The following VPS53 variants were observed in gnomAD, a reference collection of about 807,000 sequenced individuals.
VPS53 encodes the protein vacuolar protein sorting-associated protein 53 homolog.
A neutral mutation model predicts 107.0 loss-of-function variants in VPS53; 70 were observed. The observed-to-expected ratio is 0.65, with a 90% CI of 0.54 to 0.80. VPS53 has a LOEUF of 0.80. Among genes scored for constraint, VPS53 ranks in the 30% least tolerant of loss-of-function variants. The pLI is 0.00. For missense variants in VPS53, 917 were observed against 1,049.4 expected (o/e 0.87, Z 1.74); for synonymous variants, 409 against 393.3 (o/e 1.04, Z -0.47).
At chr17:698,387 C>G (rs1973061591) in intron 3 of VPS53, among the ~76,000 whole-genome samples, 1 of 149,230 alleles carries the variant, frequency 6.7e-6, no homozygotes, top group Non-Finnish European at 1.5e-5. Context: ...AAGCCAAGAT[C>G]ACACCACTGC....
Position 623,651 on chromosome 17 carries a change from C to T in VPS53, c.998G>A (p.Arg333His), listed in dbSNP as rs775595380. 1.9e-5 allele frequency: 31 copies of T among 1,612,788 alleles called. No individual in the cohort carries two copies. Among genetic ancestry groups the T allele is most frequent in the Middle Eastern group, 1.6e-4 (1 of 6,082 alleles). Residue 333 changes from arginine (R) to histidine (H), a missense_variant, in exon 11 of 22, where the codon CGT (arginine) becomes CAT (histidine). Arg to His is a conservative substitution (Grantham distance 29, BLOSUM62 0). Coordinates refer to ENST00000437048, the MANE Select transcript of VPS53 (RefSeq NM_001128159.3). ...VTRAELAKIMRTRAKEIEVKL... is the reference protein window; with the variant it reads ...VTRAELAKIMHTRAKEIEVKL... ...CACTTCAATTTCCTTCGCTCTGGTA[C>T]GCATAATCTTGGCAAGTTCTGCCCT...
chr17:532,793 T>A, intron 19 of VPS53, 49 bp downstream of exon 19: 1 of 1,608,996 alleles, frequency 6.2e-7, no homozygotes, highest in Non-Finnish European at 8.5e-7. Flanking sequence ...ATGTGCTTGA[T>A]CTACAACAAA....
chr17:557,138 C>T (rs1464512720), intron 15 of VPS53, among the ~76,000 whole-genome samples: 1 of 152,216 alleles, frequency 6.6e-6, no homozygotes, highest in Non-Finnish European at 1.5e-5. Context: ...TAGGCATGAG[C>T]CACCGCGCCC....
chr17:678,646 A>AT (rs1231152275), intron 4 of VPS53, among the ~76,000 whole-genome samples: 1 of 141,772 alleles, frequency 7.1e-6, no homozygotes, highest in East Asian at 2.1e-4. Context: ...ATATATATAT[A>AT]TATATTTTTT....
At chr17:602,475 C>T (rs1300156284) in intron 11 of VPS53, among the ~76,000 whole-genome samples, 1 of 152,220 alleles carries the variant, frequency 6.6e-6, no homozygotes, top group African/African-American at 2.4e-5. Flanking sequence ...CCCAAGTAAG[C>T]CCCATTACAA....
chr17:664,677 G>C (rs899908794), intron 4 of VPS53, among the ~76,000 whole-genome samples: 1 of 152,182 alleles, frequency 6.6e-6, no homozygotes, highest in South Asian at 2.1e-4. Flanking sequence ...GGCTGTGCAG[G>C]GGCAGGAGGG....
At chr17:623,446 T>A in intron 11 of VPS53, 87 bp downstream of exon 11, 1 of 1,481,434 alleles carries the variant, frequency 6.8e-7, no homozygotes, top group Middle Eastern at 2.1e-4. Context: ...CCGAAGCCAA[T>A]GGATAGAGTC....
chr17:556,341 T>C (rs1273449316), intron 15 of VPS53, among the ~76,000 whole-genome samples: 1 of 152,162 alleles, frequency 6.6e-6, no homozygotes, highest in East Asian at 1.9e-4. Context: ...ACACCAATAA[T>C]ACATCATTAT....
At chr17:548,340 C>T (rs190891728) in intron 17 of VPS53, among the ~76,000 whole-genome samples, 21 of 151,880 alleles carry the variant, frequency 1.4e-4, no homozygotes, top group Admixed American at 7.2e-4. Flanking sequence ...TCAGAATCAT[C>T]CAATGACTAC....
chr17:702,460 G>A (rs1195028063), intron 2 of VPS53, among the ~76,000 whole-genome samples: 2 of 152,006 alleles, frequency 1.3e-5, no homozygotes, highest in Non-Finnish European at 2.9e-5. Flanking sequence ...TCAGGAGTTC[G>A]AGACCAGCCA....
intron 4 of VPS53, among the ~76,000 whole-genome samples, chr17:695,493 A>C (rs1972926811): frequency 6.6e-6 from 1 of 152,146 alleles, no homozygotes; most frequent in Admixed American, 6.5e-5. Flanking sequence ...GACAGAACAC[A>C]AGAGGAGGCA....
chr17:543,596 T>C (rs1202888428), intron 17 of VPS53, among the ~76,000 whole-genome samples: 3 of 151,648 alleles, frequency 2.0e-5, no homozygotes, highest in African/African-American at 7.3e-5. Context: ...CTCTCTATCC[T>C]ACGTACAGGG....
intron 12 of VPS53, among the ~76,000 whole-genome samples, chr17:593,273 C>G (rs1175848310): frequency 1.3e-5 from 2 of 152,002 alleles, no homozygotes; most frequent in Non-Finnish European, 2.9e-5. Flanking sequence ...TCTAAAACAC[C>G]AAAAGCAATG....
intron 19 of VPS53, among the ~76,000 whole-genome samples, chr17:530,313 C>T (rs1909440396): frequency 6.6e-6 from 1 of 151,866 alleles, no homozygotes; most frequent in Non-Finnish European, 1.5e-5. Context: ...CACACCTTGC[C>T]CAGCTAATTT....
intron 17 of VPS53, among the ~76,000 whole-genome samples, chr17:544,343 T>C (rs1911020096): frequency 6.6e-6 from 1 of 152,208 alleles, no homozygotes; most frequent in Non-Finnish European, 1.5e-5. Flanking sequence ...TTATTCCTTT[T>C]TTCAAAAACA....
At chr17:680,021 C>T (rs928635846) in intron 4 of VPS53, among the ~76,000 whole-genome samples, 4 of 150,046 alleles carry the variant, frequency 2.7e-5, no homozygotes, top group East Asian at 2.0e-4. Flanking sequence ...TGGCTGGGCG[C>T]GGTGGCTCAC....
intron 4 of VPS53, among the ~76,000 whole-genome samples, chr17:679,540 T>C (rs1322734495): frequency 3.3e-5 from 5 of 151,424 alleles, no homozygotes; most frequent in African/African-American, 1.2e-4. Context: ...ACAAAAAGAA[T>C]GGAAAGAGAA....
At chr17:700,455 G>A (rs986958446) in intron 2 of VPS53, among the ~76,000 whole-genome samples, 6 of 152,218 alleles carry the variant, frequency 3.9e-5, no homozygotes, top group African/African-American at 1.4e-4. Context: ...AGAGGCTGCG[G>A]CAGGAGAATC....
intron 7 of VPS53, among the ~76,000 whole-genome samples, chr17:635,240 GTTGT>G (rs1213386306): frequency 1.4e-4 from 21 of 152,256 alleles, no homozygotes; most frequent in Middle Eastern, 3.4e-3. Context: ...TCTTGATGGG[GTTGT>G]TTGTTTTTTT....
Sources: gnomAD v4.1 joint callset for allele counts (sites outside exome capture counted in the v4.1 genomes callset) on GRCh38, gnomAD v4.1.1 for gene constraint, MANE v1.5 for transcripts, NCBI Gene and HGNC (gene_info 2026-07-23, HGNC 2026-07-21) for gene names.